JMY: variants seen among roughly 807,000 people sequenced by gnomAD.
The protein encoded by JMY is junction mediating and regulatory protein, p53 cofactor.
Under a neutral mutation model 103.3 loss-of-function variants are expected in JMY, and 46 were observed. The ratio of observed to expected loss-of-function variants is 0.45; its 90% confidence interval spans 0.35 to 0.57. The LOEUF (loss-of-function observed/expected upper bound fraction) is 0.57. Ranked by LOEUF, JMY falls within the 20% of genes least tolerant of loss-of-function variation. The pLI is 0.00. For synonymous variants in JMY, 526 were observed against 489.3 expected (o/e 1.07, Z -0.99); for missense variants, 1,238 against 1,255.2 (o/e 0.99, Z 0.21).
chr5:79,246,222 T>C (rs1401257776), intron 1 of JMY, among the ~76,000 whole-genome samples: 1 of 152,230 alleles, frequency 6.6e-6, no homozygotes, highest in Non-Finnish European at 1.5e-5. Context: ...AGTGAATGCT[T>C]ACTTATTAAA....
chr5:79,297,732 T>C (rs999854709), intron 4 of JMY, among the ~76,000 whole-genome samples: 5 of 152,084 alleles, frequency 3.3e-5, no homozygotes, highest in East Asian at 1.9e-4. Context: ...CTTTCAGAGG[T>C]TGGGATTTAA....
chr5:79,314,302 G>A lies in JMY; in HGVS notation c.2110G>A (p.Ala704Thr). The change falls in exon 9 of 11, where the codon GCT (alanine) becomes ACT (threonine). Residue 704 changes from alanine to threonine, a missense_variant. Transcript: ENST00000396137. ...ACTTAAATCAACCAGATTACGACTA[G>A]CTCATGCAAGAAGAAAAGGTGCAGC... ...VILKSTRLRL[A>T]HARRKGAASP... 1 of 1,614,150 alleles carries A rather than the reference G, an allele frequency of 6.2e-7. No homozygotes were observed. The highest frequency in any genetic ancestry group is 1.1e-5 in the South Asian group (1 of 91,078).
chr5:79,237,051 A>T lies in JMY; in HGVS notation c.401A>T (p.Lys134Ile). Residue 134 changes from lysine to isoleucine, a missense_variant, in exon 1 of 11, where the codon AAA becomes ATA. Physicochemically the swap from Lys to Ile is moderately radical, Grantham distance 102 (BLOSUM62 -3). Coordinates refer to ENST00000396137, the MANE Select transcript of JMY (RefSeq NM_152405.5). ...CCGCGGCTGCGGAGTCCTGGCAGCA[A>T]AGGGGCGGAGAGTCGTCTTAGGAGC... ...GDPRLRSPGS[K>I]GAESRLRSPV... 1.3e-6 allele frequency: 2 copies of T among 1,524,490 alleles called. No homozygotes were observed. Among genetic ancestry groups the T allele is most frequent in the Non-Finnish European group, 1.8e-6 (2 of 1,131,784 alleles). 94.4% of individuals were successfully genotyped at this position (1,524,490 alleles called of 1,614,324 possible). A position where few individuals can be genotyped will look rare whatever the true frequency, so the allele number is the denominator to read the frequency against.
chr5:79,247,159 T>C lies in JMY; in HGVS notation c.1032+9477T>C, dbSNP rs140674291. On this transcript the variant is annotated intron_variant, in intron 1 of 10. Coordinates refer to ENST00000396137, the MANE Select transcript of JMY (RefSeq NM_152405.5). ...ATTTAAATGTTGTCCAATTGAAATA[T>C]ATGTTCAGTGTCTCAACAGTGGACA... 1.1e-3 allele frequency among the ~76,000 whole-genome samples: 163 copies of C among 152,326 alleles called. 2 individuals carry two copies. In the East Asian group the frequency reaches 0.017, roughly 16 times the overall value.
At chr5:79,263,873 C>CT (rs561149845) in intron 1 of JMY, among the ~76,000 whole-genome samples, 104 of 152,054 alleles carry the variant, frequency 6.8e-4, no homozygotes, top group African/African-American at 2.4e-3. Flanking sequence ...TCTCGGCTCA[C>CT]TGCAGTCTCC....
rs1341338920 is a variant in JMY at position 79,323,948 on chromosome 5, A to G, written c.*2346A>G. ...CTCACACTTGGAAAAGAAGGAGGTT[A>G]AAGCAGAGTATTGTTGGCAGCCAGC... is the stretch of plus-strand genomic sequence containing the variant. On this transcript the variant is annotated 3_prime_UTR_variant, in exon 11 of 11. Coordinates refer to ENST00000396137, the MANE Select transcript of JMY (RefSeq NM_152405.5). 1 of 152,210 alleles carries G rather than the reference A, an allele frequency of 6.6e-6. No homozygotes were observed. The highest frequency in any genetic ancestry group is 1.5e-5 in the Non-Finnish European group (1 of 68,036). The allele number at this position is 152,210 out of a possible 1,614,324, so 9.4% of individuals were successfully genotyped here.
In JMY at chr5:79,236,180, G is replaced by A. The variant is rs916094370; in HGVS notation, c.-471G>A. 15 of 152,722 alleles carry A rather than the reference G, an allele frequency of 9.8e-5. No homozygotes were observed. Among genetic ancestry groups the A allele is most frequent in the Non-Finnish European group, 2.2e-4 (15 of 68,798 alleles). The allele number at this position is 152,722 out of a possible 1,614,324, so 9.5% of individuals were successfully genotyped here. On this transcript the variant is annotated 5_prime_UTR_variant, in exon 1 of 11. Coordinates refer to ENST00000396137, the MANE Select transcript of JMY (RefSeq NM_152405.5). ...TGCTGAGGCGCAGAGTTTAGGAGACGGGTTCATCAGTCAGGCCGGCTCCGG... is the reference window on the plus strand; with the variant it reads ...TGCTGAGGCGCAGAGTTTAGGAGACAGGTTCATCAGTCAGGCCGGCTCCGG...
chr5:79,248,669 G>A (rs1470803454), intron 1 of JMY, among the ~76,000 whole-genome samples: 2 of 151,772 alleles, frequency 1.3e-5, no homozygotes, highest in African/African-American at 2.4e-5. Context: ...AAAAAAAAAA[G>A]TTTCTTACTA....
chr5:79,246,228 T>C (rs945329698), intron 1 of JMY, among the ~76,000 whole-genome samples: 1 of 152,218 alleles, frequency 6.6e-6, no homozygotes, highest in Non-Finnish European at 1.5e-5. Context: ...TGCTTACTTA[T>C]TAAAATTATT....
chr5:79,314,677 G>A lies in JMY; in HGVS notation c.2485G>A (p.Ala829Thr), dbSNP rs1580373883. The change falls in exon 9 of 11, where the codon GCT becomes ACT. Residue 829 changes from alanine (A) to threonine (T), a missense_variant. Physicochemically the swap from Ala to Thr is moderately conservative, Grantham distance 58. Transcript: ENST00000396137. ...CCCACCACCACCACCTCTGCCTGTT[G>A]CTAAGGACAGTGGCCCAGAGACACT... ...PPPPPPPLPV[A>T]KDSGPETLEK... The A allele has an allele frequency of 1.3e-6, 2 of 1,558,404 alleles. No homozygotes were observed. The highest frequency in any genetic ancestry group is 1.7e-6 in the Non-Finnish European group (2 of 1,157,592).
chr5:79,296,178 A>G (rs1320287226), intron 4 of JMY, among the ~76,000 whole-genome samples: 2 of 152,250 alleles, frequency 1.3e-5, no homozygotes, highest in Non-Finnish European at 2.9e-5. Context: ...ATTAAATGGA[A>G]TACCTAAGGA....
In JMY at chr5:79,299,461, C is replaced by T. The variant is rs552609267; in HGVS notation, c.1528-692C>T. ...CCTTCATTCCTGGCAAAAATTTTCC[C>T]ACTCCAGCACCGAGAACTGACCAAC... On this transcript the variant is annotated intron_variant, in intron 4 of 10. Coordinates refer to ENST00000396137, the MANE Select transcript of JMY (RefSeq NM_152405.5). Among the ~76,000 whole-genome samples the T allele has an allele frequency of 7.9e-5, 12 of 151,880 alleles. No individual in the cohort carries two copies. The South Asian group carries it at 2.5e-3, about 32-fold the overall frequency.
At chr5:79,316,460 T>G in intron 10 of JMY, 150 bp downstream of exon 10, 4 of 603,892 alleles carry the variant, frequency 6.6e-6, no homozygotes, top group African/African-American at 3.7e-5. Context: ...AACTTCAGGT[T>G]TTACTTAATT....
chr5:79,314,811 GA>G lies in JMY; in HGVS notation c.2621del (p.Lys874SerfsTer14), dbSNP rs1371432799. On this transcript the variant is annotated frameshift_variant, in exon 9 of 11. Coordinates refer to ENST00000396137, the MANE Select transcript of JMY (RefSeq NM_152405.5). LOFTEE classifies it high-confidence loss of function. ...DSSQLVSARKKLRKTAEGLQR... is the reference protein window; with the variant it reads ...DSSQLVSARKXLRKTAEGLQR... ...GCAGCCAGCTGGTCAGTGCACGGAA[GA>G]AGCTCAGAAAGACTGCTGAAGGTTT... The G allele has an allele frequency of 1.3e-6, 2 of 1,596,120 alleles. No individual in the cohort carries two copies. The highest frequency in any genetic ancestry group is 1.7e-6 in the Non-Finnish European group (2 of 1,172,338).
At chr5:79,251,828 G>A (rs912838466) in intron 1 of JMY, among the ~76,000 whole-genome samples, 2 of 152,032 alleles carry the variant, frequency 1.3e-5, no homozygotes, top group African/African-American at 2.4e-5. Flanking sequence ...AGGCTGGAGT[G>A]CAATGGCAAG....
chr5:79,310,906 G>A (rs928844182), intron 7 of JMY, among the ~76,000 whole-genome samples: 15 of 152,028 alleles, frequency 9.9e-5, no homozygotes, highest in African/African-American at 2.7e-4. Flanking sequence ...TTGGGAGGCC[G>A]AAGCAGGAGG....
At chr5:79,251,726 T>C (rs916552173) in intron 1 of JMY, among the ~76,000 whole-genome samples, 1 of 152,072 alleles carries the variant, frequency 6.6e-6, no homozygotes, top group Admixed American at 6.6e-5. Flanking sequence ...CTATTTCAAT[T>C]GTCTATTTCA....
chr5:79,310,188 A>G (rs1747007159), intron 7 of JMY, among the ~76,000 whole-genome samples: 1 of 144,918 alleles, frequency 6.9e-6, no homozygotes, highest in Non-Finnish European at 1.5e-5. Context: ...TCAGCCTCCC[A>G]TGTAGCTGGG....
At chr5:79,242,299 TAA>T (rs900403541) in intron 1 of JMY, among the ~76,000 whole-genome samples, 1 of 152,126 alleles carries the variant, frequency 6.6e-6, no homozygotes, top group Non-Finnish European at 1.5e-5. Context: ...TAACCTCTTT[TAA>T]AAAGGAAGGT....
Sources: allele counts gnomAD v4.1 joint callset (sites outside exome capture counted in the v4.1 genomes callset), GRCh38; gene constraint gnomAD v4.1.1; transcripts MANE v1.5; gene names NCBI Gene and HGNC (gene_info 2026-07-23, HGNC 2026-07-21).